CTIF: variants seen among roughly 807,000 people sequenced by gnomAD.
The protein encoded by CTIF is CBP80/20-dependent translation initiation factor.
CTIF carries 21 observed loss-of-function variants against 66.0 expected under a neutral mutation model. The ratio of observed to expected loss-of-function variants is 0.32; its 90% CI spans 0.23 to 0.46. CTIF has a LOEUF of 0.46. Ranked by LOEUF, CTIF falls within the 20% of genes least tolerant of loss-of-function variation. The pLI, the probability that CTIF is intolerant of heterozygous loss-of-function variation, is 1.00. For synonymous variants in CTIF, 345 were observed against 326.4 expected (o/e 1.06, Z -0.62); for missense variants, 739 against 812.7 (o/e 0.91, Z 1.10).
chr18:48,812,615 A>G (rs775634008), intron 9 of CTIF, among the ~76,000 whole-genome samples: 8 of 152,112 alleles, frequency 5.3e-5, no homozygotes, highest in Non-Finnish European at 1.2e-4. Flanking sequence ...TTAGCCAGGC[A>G]TAGTGTTATA....
chr18:48,781,204 C>G (rs1176875287), intron 9 of CTIF, among the ~76,000 whole-genome samples: 1 of 152,226 alleles, frequency 6.6e-6, no homozygotes, highest in Non-Finnish European at 1.5e-5. Context: ...AGCGCCAGCC[C>G]CTGTCTGTCC....
At chr18:48,687,157 G>C (rs995340859) in intron 6 of CTIF, among the ~76,000 whole-genome samples, 1 of 152,046 alleles carries the variant, frequency 6.6e-6, no homozygotes, top group African/African-American at 2.4e-5. Flanking sequence ...GGGATAAAGC[G>C]ATCTGTCTTC....
chr18:48,739,002 A>T (rs890276186), intron 7 of CTIF, among the ~76,000 whole-genome samples: 4 of 152,162 alleles, frequency 2.6e-5, no homozygotes, highest in Non-Finnish European at 5.9e-5. Flanking sequence ...AAGACACCCC[A>T]GGAAGTCTTA....
intron 10 of CTIF, among the ~76,000 whole-genome samples, chr18:48,823,266 TTA>T (rs939393660): frequency 6.6e-5 from 10 of 152,210 alleles, no homozygotes; most frequent in African/African-American, 2.4e-4. Context: ...TGCTTTTTCT[TTA>T]TGTTTTCTTC....
intron 2 of CTIF, among the ~76,000 whole-genome samples, chr18:48,627,122 A>C (rs931134969): frequency 1.3e-5 from 2 of 152,206 alleles, no homozygotes; most frequent in Non-Finnish European, 2.9e-5. Flanking sequence ...CATACATGTA[A>C]GTTTTATGAT....
rs531612187 is a variant in CTIF at position 48,859,916 on chromosome 18, C to T, written c.*357C>T. The T allele has an allele frequency of 2.0e-6, 1 of 503,962 alleles. No individual in the cohort carries two copies. The highest frequency in any genetic ancestry group is 1.5e-5 in the South Asian group (1 of 65,006). 31.2% of individuals were successfully genotyped at this position (503,962 alleles called of 1,614,324 possible). A position where few individuals can be genotyped will look rare whatever the true frequency, so the allele number is the denominator to read the frequency against. ...CTCATCGCTGTGACTCCTCGGAGAC[C>T]TTGGCAGCCTCGCACGCCGGGGCAC... On this transcript the variant is annotated 3_prime_UTR_variant, in exon 12 of 12. Coordinates refer to ENST00000256413, the MANE Select transcript of CTIF (RefSeq NM_014772.3).
intron 6 of CTIF, among the ~76,000 whole-genome samples, chr18:48,687,309 C>CAG (rs2091856198): frequency 7.9e-6 from 1 of 126,040 alleles, no homozygotes; most frequent in Non-Finnish European, 1.8e-5. Flanking sequence ...GGAGGGGACA[C>CAG]ACACACACAC....
chr18:48,683,493 CCTT>C (rs1598863330), intron 6 of CTIF, among the ~76,000 whole-genome samples: 1 of 151,514 alleles, frequency 6.6e-6, no homozygotes, highest in East Asian at 2.0e-4. Context: ...GCCTTGCCCT[CCTT>C]CTGGATCCAA....
intron 7 of CTIF, among the ~76,000 whole-genome samples, chr18:48,757,253 C>T (rs1908459306): frequency 6.6e-6 from 1 of 152,130 alleles, no homozygotes; most frequent in Non-Finnish European, 1.5e-5. Context: ...TCTCCAAATA[C>T]AGTCACATTC....
chr18:48,705,535 A>G (rs1025136330), intron 6 of CTIF, among the ~76,000 whole-genome samples: 19 of 152,220 alleles, frequency 1.2e-4, no homozygotes, highest in Non-Finnish European at 2.9e-5. Flanking sequence ...TAGGACTCCA[A>G]CCAGTCTTTC....
intron 2 of CTIF, among the ~76,000 whole-genome samples, chr18:48,630,817 A>G (rs1031055590): frequency 3.3e-5 from 5 of 152,098 alleles, no homozygotes; most frequent in African/African-American, 1.2e-4. Context: ...CTGGGACTAC[A>G]GGTGCCTGCA....
intron 6 of CTIF, among the ~76,000 whole-genome samples, chr18:48,709,990 A>G (rs2092206074): frequency 6.6e-6 from 1 of 152,246 alleles, no homozygotes; most frequent in East Asian, 1.9e-4. Flanking sequence ...CCATAACTCC[A>G]AGGTCCCTGT....
intron 9 of CTIF, among the ~76,000 whole-genome samples, chr18:48,763,459 C>G (rs907887729): frequency 6.6e-6 from 1 of 152,250 alleles, no homozygotes; most frequent in African/African-American, 2.4e-5. Context: ...TCTCAATCAA[C>G]CACAACGTGC....
chr18:48,845,170 A>G (rs1388816223), intron 10 of CTIF, among the ~76,000 whole-genome samples: 2 of 152,102 alleles, frequency 1.3e-5, no homozygotes, highest in African/African-American at 4.8e-5. Context: ...GGTGGGGGAG[A>G]GAGAGAGAGA....
chr18:48,709,360 T>C (rs1278850310), intron 6 of CTIF, among the ~76,000 whole-genome samples: 1 of 152,226 alleles, frequency 6.6e-6, no homozygotes, highest in Non-Finnish European at 1.5e-5. Context: ...AGTGGCCCGG[T>C]ATGCCCCATT....
intron 2 of CTIF, among the ~76,000 whole-genome samples, chr18:48,631,017 C>A (rs1014601958): frequency 1.3e-5 from 2 of 152,178 alleles, no homozygotes; most frequent in Non-Finnish European, 2.9e-5. Flanking sequence ...TCTGGTAGGG[C>A]TGGTCTCTTG....
chr18:48,772,365 G>A (rs1455723451), intron 9 of CTIF, among the ~76,000 whole-genome samples: 3 of 151,702 alleles, frequency 2.0e-5, no homozygotes, highest in Admixed American at 1.3e-4. Flanking sequence ...TAAGTGCACA[G>A]TTCAGCAGTA....
At chr18:48,647,821 A>T (rs986338889) in intron 3 of CTIF, among the ~76,000 whole-genome samples, 2 of 151,476 alleles carry the variant, frequency 1.3e-5, no homozygotes, top group Non-Finnish European at 2.9e-5. Flanking sequence ...CCCCCAGACC[A>T]GATGAGCTCT....
chr18:48,575,678 T>A (rs1179708418), intron 1 of CTIF, among the ~76,000 whole-genome samples: 1 of 151,860 alleles, frequency 6.6e-6, no homozygotes, highest in Admixed American at 6.6e-5. Context: ...CCCGGGAGGG[T>A]CTCTGCCCTC....
Sources: gnomAD v4.1 joint callset for allele counts (sites outside exome capture counted in the v4.1 genomes callset) on GRCh38, gnomAD v4.1.1 for gene constraint, MANE v1.5 for transcripts, NCBI Gene and HGNC (gene_info 2026-07-23, HGNC 2026-07-21) for gene names.